The following RICTOR variants were observed in gnomAD, a reference collection of about 807,000 sequenced individuals.
The protein encoded by RICTOR is rapamycin-insensitive companion of mTOR.
In RICTOR, 49 loss-of-function variants were observed where a neutral mutation model predicts 214.9. The ratio of observed to expected loss-of-function variants is 0.23; its 90% CI spans 0.18 to 0.29. The LOEUF (loss-of-function observed/expected upper bound fraction) is 0.29, where lower values mean the gene tolerates loss of function less well. RICTOR is among the 10% of genes least tolerant of loss of function. The probability of loss-of-function intolerance (pLI) is 1.00; values close to 1 mark genes in which losing one functional copy is unlikely to be tolerated. For missense variants in RICTOR, 1,625 were observed against 2,047.0 expected, an observed-to-expected ratio of 0.79 and a Z score of 3.98; for synonymous variants, 717 against 711.3, an observed-to-expected ratio of 1.01 and a Z score of -0.13.
intron 3 of RICTOR, among the ~76,000 whole-genome samples, chr5:39,004,528 G>A (rs534042006): frequency 6.7e-6 from 1 of 149,910 alleles, no homozygotes; most frequent in Admixed American, 6.7e-5. Flanking sequence ...GGCCTGATCT[G>A]AGATCACTGC....
At chr5:39,059,020 T>G (rs1274359940) in intron 2 of RICTOR, among the ~76,000 whole-genome samples, 2 of 152,160 alleles carry the variant, frequency 1.3e-5, no homozygotes, top group Non-Finnish European at 2.9e-5. Context: ...AATTTTTAAA[T>G]TAAGGTGGAA....
intron 19 of RICTOR, 40 bp from the exon 20 acceptor site, chr5:38,960,573 A>T: frequency 1.9e-6 from 3 of 1,595,140 alleles, no homozygotes. Context: ...TAAGAAATGA[A>T]GCAATTATTT....
At position 38,964,891 on chromosome 5, in the gene RICTOR, G is replaced by A. The variant is rs2150027857; in HGVS notation, c.1301C>T (p.Ala434Val). 6.3e-7 allele frequency: 1 copy of A among 1,590,150 alleles called. No individual in the cohort carries two copies. The change falls in exon 16 of 38, where the codon GCA becomes GTA. Residue 434 changes from alanine (A) to valine (V), a missense_variant and splice_region_variant. Ala to Val is a moderately conservative substitution (Grantham distance 64, BLOSUM62 0). Transcript: ENST00000357387. ...ATGTGAATGAGGAAGAATTGTGTTT[G>A]CCTAAAATGAAGCATAACATTTTAC... is the stretch of plus-strand genomic sequence containing the variant. ...TILLGELLHM[A>V]NTILPHSHSH...
intron 5 of RICTOR, 112 bp from the exon 6 acceptor site, chr5:38,996,994 G>C: frequency 1.4e-6 from 1 of 719,364 alleles, no homozygotes. Context: ...GTATATTATT[G>C]TTTTGGTATA....
At chr5:38,942,994 G>A (rs1294396682) in intron 36 of RICTOR, 23 bp from the exon 37 acceptor site, 1 of 1,548,226 alleles carries the variant, frequency 6.5e-7, no homozygotes, top group Non-Finnish European at 8.9e-7. Flanking sequence ...ATTATGGTGT[G>A]ATGAAAACTG....
chr5:38,979,182 A>G (rs1044991281), intron 8 of RICTOR, among the ~76,000 whole-genome samples: 11 of 152,144 alleles, frequency 7.2e-5, no homozygotes, highest in African/African-American at 2.7e-4. Flanking sequence ...ATCTTACTCT[A>G]CTGTGCAGAC....
Position 38,988,856 on chromosome 5 carries a change from A to G in RICTOR, c.583+2093T>C, listed in dbSNP as rs182705942. 1.9e-3 allele frequency among the ~76,000 whole-genome samples: 292 copies of G among 152,340 alleles called. 1 individual carries two copies. The highest frequency in any genetic ancestry group is 0.01 in the Middle Eastern group (3 of 294). On this transcript the variant is annotated intron_variant, in intron 7 of 37. Coordinates refer to ENST00000357387, the MANE Select transcript of RICTOR (RefSeq NM_152756.5). Reference sequence around the variant, plus strand: ...GAACTACAAACCACTGCTCAAGGAAATAAGAGAGAACACAAACAAATGGAA... The same window carrying G: ...GAACTACAAACCACTGCTCAAGGAAGTAAGAGAGAACACAAACAAATGGAA...
intron 2 of RICTOR, among the ~76,000 whole-genome samples, chr5:39,043,250 A>G (rs1270922778): frequency 2.0e-5 from 3 of 152,240 alleles, no homozygotes; most frequent in East Asian, 3.8e-4. Flanking sequence ...GTCCTTCAAT[A>G]GATAAATGAA....
chr5:39,070,701 A>C (rs910736899), intron 2 of RICTOR, among the ~76,000 whole-genome samples: 6 of 152,212 alleles, frequency 3.9e-5, no homozygotes, highest in African/African-American at 1.4e-4. Context: ...CTTTGAACAC[A>C]ATAATTAAAG....
At chr5:38,946,799 G>A (rs975178763) in intron 32 of RICTOR, among the ~76,000 whole-genome samples, 3 of 152,062 alleles carry the variant, frequency 2.0e-5, no homozygotes, top group African/African-American at 7.2e-5. Flanking sequence ...CAACTTCTAA[G>A]AAAATGTGTT....
Position 38,966,356 on chromosome 5 carries a change from C to A in RICTOR, c.1299+285G>T, listed in dbSNP as rs181636481. Among the ~76,000 whole-genome samples the A allele has an allele frequency of 1.8e-4, 28 of 152,312 alleles. No individual in the cohort carries two copies. The Middle Eastern group carries it at 0.01, about 56-fold the overall frequency. On this transcript the variant is annotated intron_variant, in intron 15 of 37. Transcript: ENST00000357387. ...ATTAAGATTTACAGGACGAAAATGT[C>A]AACTTTGAAAGTGAGTGTAAAAATC...
At chr5:39,061,436 C>A (rs1047601165) in intron 2 of RICTOR, among the ~76,000 whole-genome samples, 1 of 152,044 alleles carries the variant, frequency 6.6e-6, no homozygotes, top group African/African-American at 2.4e-5. Flanking sequence ...TCTGATATTG[C>A]AGAGAAAATT....
At position 38,958,796 on chromosome 5, in the gene RICTOR, T is replaced by A. The variant is rs761219407; in HGVS notation, c.2214A>T (p.Val738=). ...CRLYATKHLR[V]LLRANVEFFN... ...AGAATTCAACATTAGCTCTCAATAATACCCTTAAATGTTTTGTTGCATAGA... is the reference window on the plus strand; with the variant it reads ...AGAATTCAACATTAGCTCTCAATAAAACCCTTAAATGTTTTGTTGCATAGA... Residue 738 remains valine, a synonymous_variant, in exon 23 of 38, where the codon GTA becomes GTT. Coordinates refer to ENST00000357387, the MANE Select transcript of RICTOR (RefSeq NM_152756.5). The A allele has an allele frequency of 1.9e-6, 3 of 1,606,752 alleles. No homozygotes were observed. Among genetic ancestry groups the A allele is most frequent in the Non-Finnish European group, 2.6e-6 (3 of 1,176,100 alleles).
intron 3 of RICTOR, 125 bp from the exon 4 acceptor site, chr5:39,003,747 T>A: frequency 3.7e-6 from 2 of 542,274 alleles, no homozygotes; most frequent in East Asian, 6.3e-5. Context: ...AATATGATTT[T>A]ACTGTTCAAA....
At chr5:38,947,742 T>G (rs546312816) in intron 31 of RICTOR, among the ~76,000 whole-genome samples, 1 of 152,104 alleles carries the variant, frequency 6.6e-6, no homozygotes, top group Non-Finnish European at 1.5e-5. Context: ...AAAAAGAAAC[T>G]GACCTCAGTA....
At chr5:39,002,030 A>G (rs887382436) in intron 5 of RICTOR, among the ~76,000 whole-genome samples, 6 of 152,186 alleles carry the variant, frequency 3.9e-5, no homozygotes, top group East Asian at 1.9e-4. Context: ...TTCCTCTTCT[A>G]TAAGAATATT....
chr5:39,068,827 G>A (rs963300321), intron 2 of RICTOR, among the ~76,000 whole-genome samples: 17 of 152,226 alleles, frequency 1.1e-4, no homozygotes, highest in African/African-American at 3.1e-4. Context: ...AGAGGATGGC[G>A]GAAATACCTA....
chr5:39,035,523 C>G (rs146859690), intron 2 of RICTOR, among the ~76,000 whole-genome samples: 1 of 152,092 alleles, frequency 6.6e-6, no homozygotes, highest in East Asian at 1.9e-4. Flanking sequence ...CAAACTACTC[C>G]GAGCTAAAAG....
At chr5:39,025,877 C>T (rs1489950082) in intron 2 of RICTOR, among the ~76,000 whole-genome samples, 1 of 152,112 alleles carries the variant, frequency 6.6e-6, no homozygotes, top group Non-Finnish European at 1.5e-5. Flanking sequence ...TTGCACTGTT[C>T]CAATAAAACA....
Sources: allele counts gnomAD v4.1 joint callset (sites outside exome capture counted in the v4.1 genomes callset), GRCh38; gene constraint gnomAD v4.1.1; transcripts MANE v1.5; gene names NCBI Gene and HGNC (gene_info 2026-07-23, HGNC 2026-07-21).